BAZ2A: variants seen among roughly 807,000 people sequenced by gnomAD.
BAZ2A encodes the protein bromodomain adjacent to zinc finger domain 2A.
Under a neutral mutation model 199.9 loss-of-function variants are expected in BAZ2A, and 34 were observed. The ratio of observed to expected loss-of-function variants is 0.17; its 90% CI spans 0.13 to 0.23. BAZ2A has a LOEUF of 0.23. Among genes scored for constraint, BAZ2A ranks in the 10% least tolerant of loss-of-function variants. BAZ2A has a pLI of 1.00. For missense variants in BAZ2A, 2,002 were observed against 2,391.1 expected (o/e 0.84, Z 3.39); for synonymous variants, 857 against 883.9 (o/e 0.97, Z 0.54).
chr12:56,614,240 T>C, intron 3 of BAZ2A, 102 bp from the exon 4 acceptor site: 1 of 1,235,444 alleles, frequency 8.1e-7, no homozygotes. Context: ...TGTTCATTCA[T>C]TCAACATTTA....
At position 56,603,622 on chromosome 12, in the gene BAZ2A, C is replaced by T. The variant is rs1350456686; in HGVS notation, c.3117G>A (p.Arg1039=). The T allele has an allele frequency of 1.9e-6, 3 of 1,614,048 alleles. No homozygotes were observed. In the African/African-American group the frequency reaches 4.0e-5, roughly 22 times the overall value. ...MEGPEECLGR[R]RSSRIMEETS... ...TCTCCTCCATGATCCGAGAACTGCG[C>T]CTCCGTCCCAGGCATTCCTCTGGCC... Residue 1039 remains arginine (R), a synonymous_variant, in exon 17 of 29, where the codon AGG becomes AGA. Coordinates refer to ENST00000549884, the MANE Select transcript of BAZ2A (RefSeq NM_001300905.2).
chr12:56,634,767 G>A (rs560252557), upstream of BAZ2A, among the ~76,000 whole-genome samples: 1 of 152,328 alleles, frequency 6.6e-6, no homozygotes, highest in African/African-American at 2.4e-5. Flanking sequence ...TCCGGATTCC[G>A]GTCGCGGAGG....
At chr12:56,612,390 T>C in intron 5 of BAZ2A, 144 bp from the exon 6 acceptor site, 1 of 685,506 alleles carries the variant, frequency 1.5e-6, no homozygotes, top group Non-Finnish European at 2.4e-6. Context: ...AAGTAGCTTT[T>C]TCTCCCAACC....
upstream of BAZ2A, chr12:56,636,519 G>A: frequency 2.2e-6 from 1 of 448,700 alleles, no homozygotes; most frequent in Non-Finnish European, 3.5e-6. Flanking sequence ...AGAAGAGGCC[G>A]GCAAAGGGGG....
intron 13 of BAZ2A, 85 bp downstream of exon 13, chr12:56,605,745 T>C (rs1950327782): frequency 7.4e-7 from 1 of 1,343,924 alleles, no homozygotes; most frequent in Non-Finnish European, 1.0e-6. Context: ...AATGGAAATG[T>C]CTCTCCCATT....
rs751647155 is a variant in BAZ2A, at chr12:56,601,151, C to A, written c.4294+29G>T. ...CGCCAGCTGTGAAGCACTGCCCACACCGGATGCCCTCACTCCAAGGTCACT... is the reference window on the plus strand; with the variant it reads ...CGCCAGCTGTGAAGCACTGCCCACAACGGATGCCCTCACTCCAAGGTCACT... On this transcript the variant is annotated intron_variant, in intron 21 of 28. Transcript: ENST00000549884. The A allele has an allele frequency of 6.2e-6, 10 of 1,613,994 alleles. No homozygotes were observed. The South Asian group carries it at 1.1e-4, about 18-fold the overall frequency.
chr12:56,634,957 C>T (rs542781385), upstream of BAZ2A: 1 of 984,924 alleles, frequency 1.0e-6, no homozygotes, highest in African/African-American at 1.7e-5. Context: ...GGAGCAGGGC[C>T]GGGCCGCAGG....
At chr12:56,631,352 G>A (rs186477012), upstream of BAZ2A, among the ~76,000 whole-genome samples, 45 of 151,326 alleles carry the variant, frequency 3.0e-4, no homozygotes, top group African/African-American at 7.8e-4. Flanking sequence ...TCAGGAGGCC[G>A]AGGCAAGAGA....
At chr12:56,608,374 A>C (rs1334225848) in intron 10 of BAZ2A, among the ~76,000 whole-genome samples, 1 of 151,816 alleles carries the variant, frequency 6.6e-6, no homozygotes, top group African/African-American at 2.4e-5. Flanking sequence ...TCTGTCTCAA[A>C]AAAAAAAAAA....
At position 56,614,223 on chromosome 12, in the gene BAZ2A, A is replaced by G. The variant is rs1950645833; in HGVS notation, c.731-85T>C. 5 of 1,354,912 alleles carry G rather than the reference A, an allele frequency of 3.7e-6. No individual in the cohort carries two copies. The Admixed American group carries it at 5.8e-5, about 16-fold the overall frequency. The allele number at this position is 1,354,912 out of a possible 1,614,324, so 83.9% of individuals were successfully genotyped here. The stretch of plus-strand genomic sequence containing the variant: ...CTATACTAGGCAGTCAATCTTTGCT[A>G]GAAGGATGTTCATTCATTCAACATT... On this transcript the variant is annotated intron_variant, in intron 3 of 28. Transcript: ENST00000549884.
chr12:56,599,941 T>TC (rs762652886), intron 25 of BAZ2A, 23 bp downstream of exon 25: 1 of 1,613,630 alleles, frequency 6.2e-7, no homozygotes, highest in East Asian at 2.2e-5. Flanking sequence ...CCTCAGCCTC[T>TC]CCAGGCTCTC....
At chr12:56,614,966 C>T (rs1343948134) in intron 3 of BAZ2A, 48 bp downstream of exon 3, 14 of 1,537,648 alleles carry the variant, frequency 9.1e-6, no homozygotes, top group East Asian at 7.2e-5. Context: ...CTATCCCCCC[C>T]GAGCTCCATT....
At chr12:56,603,313 TGCCCA>T in intron 18 of BAZ2A, 41 bp downstream of exon 18, 1 of 1,579,164 alleles carries the variant, frequency 6.3e-7, no homozygotes, top group Non-Finnish European at 8.7e-7. Context: ...GATCAATTCT[TGCCCA>T]GCCCATATCT....
Position 56,602,694 on chromosome 12 carries a change from C to A in BAZ2A, c.3424+19G>T. The A allele has an allele frequency of 6.2e-7, 1 of 1,607,974 alleles. No individual in the cohort carries two copies. The highest frequency in any genetic ancestry group is 8.5e-7 in the Non-Finnish European group (1 of 1,175,162). On this transcript the variant is annotated intron_variant, in intron 19 of 28. Coordinates refer to ENST00000549884, the MANE Select transcript of BAZ2A (RefSeq NM_001300905.2). The stretch of plus-strand genomic sequence containing the variant: ...TGTTTGATAGGACTCAGAATCCACA[C>A]TCCCACAGGCACACCTACCTAAGTT...
intron 7 of BAZ2A, among the ~76,000 whole-genome samples, chr12:56,610,848 G>A (rs746457701): frequency 5.9e-5 from 9 of 152,164 alleles, no homozygotes; most frequent in Admixed American, 2.6e-4. Context: ...CAGTAAAGAG[G>A]ATAAAGACCT....
rs1683819434 is a variant in BAZ2A, at chr12:56,597,562, G to GCACACAAACA, written c.*1055_*1056insTGTTTGTGTG. ...TCAAACAATACAGGGTCACAAGCAC[G>GCACACAAACA]CACACACACACACACACACAGCGCG... is the stretch of plus-strand genomic sequence containing the variant. On this transcript the variant is annotated 3_prime_UTR_variant, in exon 29 of 29. Transcript: ENST00000549884. 7.2e-6 allele frequency: 1 copy of GCACACAAACA among 138,618 alleles called. No homozygotes were observed. Among genetic ancestry groups the GCACACAAACA allele is most frequent in the Non-Finnish European group, 1.5e-5 (1 of 66,444 alleles). 8.6% of individuals were successfully genotyped at this position (138,618 alleles called of 1,614,324 possible). A position where few individuals can be genotyped will look rare whatever the true frequency, so the allele number is the denominator to read the frequency against.
chr12:56,636,647 C>G (rs1951454362), upstream of BAZ2A: 1 of 170,020 alleles, frequency 5.9e-6, no homozygotes, highest in African/African-American at 2.4e-5. Flanking sequence ...ATTTCAGTTC[C>G]CAGGTCTGTA....
rs748328822 is a variant in BAZ2A at position 56,617,404 on chromosome 12, G to A, written c.127C>T (p.Gln43Ter). Reference sequence around the variant, plus strand: ...CAGCCCTCACACTCACTTTTCCCTTGCTGGGGGAAGTTCATGGGAGACCCG... The same window carrying A: ...CAGCCCTCACACTCACTTTTCCCTTACTGGGGGAAGTTCATGGGAGACCCG... ...TNGSPMNFPQ[Q>*]GKSLNGDVNV... is the part of the protein sequence containing the mutation. The change falls in exon 2 of 29, where the codon CAA becomes TAA. Residue 43 changes from glutamine to a stop codon, truncating the protein, a stop_gained. Transcript: ENST00000549884. LOFTEE classifies it high-confidence loss of function. 2 of 1,600,138 alleles carry A rather than the reference G, an allele frequency of 1.2e-6. No individual in the cohort carries two copies. The highest frequency in any genetic ancestry group is 1.7e-6 in the Non-Finnish European group (2 of 1,173,424).
Position 56,596,116 on chromosome 12 carries a change from G to A in BAZ2A, c.*2502C>T, listed in dbSNP as rs1197690594. ...AATAAATTTAAATTCACAAAAAACT[G>A]TACATTATCAAAAAGTCACTAAAAC... On this transcript the variant is annotated 3_prime_UTR_variant, in exon 29 of 29. Coordinates refer to ENST00000549884, the MANE Select transcript of BAZ2A (RefSeq NM_001300905.2). The A allele has an allele frequency of 6.6e-6, 1 of 152,670 alleles. No individual in the cohort carries two copies. The highest frequency in any genetic ancestry group is 2.4e-5 in the African/African-American group (1 of 41,452). The allele number at this position is 152,670 out of a possible 1,614,324, so 9.5% of individuals were successfully genotyped here. A position where few individuals can be genotyped will look rare whatever the true frequency, so the allele number is the denominator to read the frequency against.
Sources: allele counts gnomAD v4.1 joint callset (sites outside exome capture counted in the v4.1 genomes callset), GRCh38; gene constraint gnomAD v4.1.1; transcripts MANE v1.5; gene names NCBI Gene and HGNC (gene_info 2026-07-23, HGNC 2026-07-21).